CNTNAP2: variants seen among roughly 807,000 people sequenced by gnomAD.
CNTNAP2 encodes the protein contactin-associated protein-like 2.
In CNTNAP2, 98 loss-of-function variants were observed where a neutral mutation model predicts 155.2. That is an observed-to-expected ratio of 0.63 (90% CI 0.54 to 0.75). The LOEUF is 0.75. Among genes scored for constraint, CNTNAP2 ranks in the 30% least tolerant of loss-of-function variants. The pLI is 0.00. For missense variants in CNTNAP2, 1,727 were observed against 1,688.1 expected (o/e 1.02, Z -0.40); for synonymous variants, 651 against 631.2 (o/e 1.03, Z -0.47).
At chr7:146,242,309 G>T (rs1247103810) in intron 1 of CNTNAP2, among the ~76,000 whole-genome samples, 2 of 152,162 alleles carry the variant, frequency 1.3e-5, no homozygotes, top group Non-Finnish European at 2.9e-5. Flanking sequence ...GGAGGCTGAG[G>T]CGGGCTGATC....
intron 3 of CNTNAP2, among the ~76,000 whole-genome samples, chr7:147,034,383 C>A (rs573111999): frequency 1.3e-5 from 2 of 152,268 alleles, no homozygotes; most frequent in Admixed American, 1.3e-4. Flanking sequence ...CTCCCCTGCT[C>A]AAACCCATAG....
chr7:147,613,025 A>G (rs531798825), intron 12 of CNTNAP2, among the ~76,000 whole-genome samples: 1 of 152,292 alleles, frequency 6.6e-6, no homozygotes, highest in East Asian at 1.9e-4. Flanking sequence ...TTCCTTTAGG[A>G]TATATAACTA....
At chr7:147,106,494 G>A (rs1800767943) in intron 4 of CNTNAP2, among the ~76,000 whole-genome samples, 1 of 152,008 alleles carries the variant, frequency 6.6e-6, no homozygotes, top group Admixed American at 6.6e-5. Context: ...CAGTCTCAGA[G>A]AACAGAATTC....
At chr7:147,378,476 C>T (rs1796478921) in intron 9 of CNTNAP2, among the ~76,000 whole-genome samples, 2 of 151,930 alleles carry the variant, frequency 1.3e-5, no homozygotes, top group South Asian at 4.1e-4. Flanking sequence ...AACTGAAGGA[C>T]ATTATGTTAA....
At chr7:146,805,460 A>G (rs1030805227) in intron 2 of CNTNAP2, among the ~76,000 whole-genome samples, 1 of 152,168 alleles carries the variant, frequency 6.6e-6, no homozygotes, top group African/African-American at 2.4e-5. Context: ...TATTTATTAA[A>G]TATGTAGAGA....
At chr7:146,665,210 A>C (rs987473892) in intron 1 of CNTNAP2, among the ~76,000 whole-genome samples, 1 of 152,092 alleles carries the variant, frequency 6.6e-6, no homozygotes, top group African/African-American at 2.4e-5. Flanking sequence ...TGGCCTCCCA[A>C]AATGTTGGGA....
intron 1 of CNTNAP2, among the ~76,000 whole-genome samples, chr7:146,753,509 G>T (rs1801941487): frequency 6.6e-6 from 1 of 151,786 alleles, no homozygotes; most frequent in South Asian, 2.1e-4. Context: ...AATAAGAAAA[G>T]AACTGTTATA....
At chr7:148,098,604 T>A (rs1804023032) in intron 15 of CNTNAP2, among the ~76,000 whole-genome samples, 1 of 152,070 alleles carries the variant, frequency 6.6e-6, no homozygotes, top group South Asian at 2.1e-4. Flanking sequence ...CTCAGGAGGC[T>A]GAGCAAGGAG....
intron 13 of CNTNAP2, among the ~76,000 whole-genome samples, chr7:147,766,584 T>G (rs916656092): frequency 6.6e-6 from 1 of 151,804 alleles, no homozygotes; most frequent in Non-Finnish European, 1.5e-5. Context: ...CATTGGAACT[T>G]TCTGGATTGT....
chr7:148,330,204 GT>G (rs1797962961), intron 21 of CNTNAP2, among the ~76,000 whole-genome samples: 7 of 141,494 alleles, frequency 4.9e-5, no homozygotes, highest in South Asian at 2.3e-4. Flanking sequence ...GGTGGATGGA[GT>G]GGATGGATGG....
At chr7:147,613,994 C>T (rs1417196200) in intron 12 of CNTNAP2, among the ~76,000 whole-genome samples, 1 of 152,106 alleles carries the variant, frequency 6.6e-6, no homozygotes, top group East Asian at 1.9e-4. Context: ...TATGAATAAA[C>T]AATTTTAAAT....
chr7:147,620,972 T>C (rs571558542), intron 12 of CNTNAP2, among the ~76,000 whole-genome samples: 1 of 152,200 alleles, frequency 6.6e-6, no homozygotes, highest in African/African-American at 2.4e-5. Flanking sequence ...GAAAGGATTC[T>C]AAAAGCAACA....
intron 14 of CNTNAP2, among the ~76,000 whole-genome samples, chr7:147,938,097 C>T (rs2116810248): frequency 6.6e-6 from 1 of 152,226 alleles, no homozygotes; most frequent in South Asian, 2.1e-4. Context: ...GATTTTGACC[C>T]CATGTCTGAC....
intron 1 of CNTNAP2, among the ~76,000 whole-genome samples, chr7:146,287,888 T>G (rs1181959595): frequency 1.3e-5 from 2 of 152,176 alleles, no homozygotes; most frequent in Non-Finnish European, 2.9e-5. Context: ...CTCTAAATGC[T>G]TTGTAAATGT....
chr7:146,993,312 C>A (rs1366000366), intron 3 of CNTNAP2, among the ~76,000 whole-genome samples: 2 of 152,076 alleles, frequency 1.3e-5, no homozygotes, highest in Non-Finnish European at 2.9e-5. Context: ...GGGAGGTGAG[C>A]AAGTGCAGTG....
chr7:146,444,671 T>G (rs1796376273), intron 1 of CNTNAP2, among the ~76,000 whole-genome samples: 2 of 152,004 alleles, frequency 1.3e-5, no homozygotes, highest in African/African-American at 4.8e-5. Context: ...CTTTTTTTTT[T>G]TTTTGAGACA....
intron 1 of CNTNAP2, among the ~76,000 whole-genome samples, chr7:146,678,123 A>G (rs1448337666): frequency 3.9e-5 from 6 of 152,086 alleles, no homozygotes; most frequent in African/African-American, 1.2e-4. Context: ...GTAGGAGTAC[A>G]GTGGCACAAA....
At chr7:146,513,254 C>T (rs1337649912) in intron 1 of CNTNAP2, among the ~76,000 whole-genome samples, 1 of 151,892 alleles carries the variant, frequency 6.6e-6, no homozygotes, top group Non-Finnish European at 1.5e-5. Context: ...ATATATTCAT[C>T]TACCCTCTAT....
chr7:147,752,095 T>A (rs1797145335), intron 13 of CNTNAP2, among the ~76,000 whole-genome samples: 1 of 152,202 alleles, frequency 6.6e-6, no homozygotes. Context: ...AAATATAAAA[T>A]TACTTATCTA....
Sources: gnomAD v4.1 joint callset for allele counts (sites outside exome capture counted in the v4.1 genomes callset) on GRCh38, gnomAD v4.1.1 for gene constraint, MANE v1.5 for transcripts, NCBI Gene and HGNC (gene_info 2026-07-23, HGNC 2026-07-21) for gene names.